PRPH2: variants seen among roughly 807,000 people sequenced by gnomAD.
PRPH2 encodes the protein peripherin 2.
PRPH2 carries 17 observed loss-of-function variants against 31.3 expected under a neutral mutation model. The observed-to-expected ratio is 0.54, with a 90% CI of 0.37 to 0.81. PRPH2 has a LOEUF of 0.81. PRPH2 is among the 40% of genes least tolerant of loss of function. The pLI is 0.00. For synonymous variants in PRPH2, 165 were observed against 184.4 expected, an observed-to-expected ratio of 0.89 and a Z score of 0.85; for missense variants, 430 against 439.7, an observed-to-expected ratio of 0.98 and a Z score of 0.20.
intron 1 of PRPH2, among the ~76,000 whole-genome samples, chr6:42,716,962 C>CTTTTTTTTTTTTTTTTTTTTTTTT (rs1161769235): frequency 4.4e-5 from 2 of 45,188 alleles, no homozygotes; most frequent in Non-Finnish European, 7.5e-5. Context: ...TCTTTCTTTT[C>CTTTTTTTTTTTTTTTTTTTTTTTT]TTTTTTTTTT....
At position 42,722,012 on chromosome 6, in the gene PRPH2, A is replaced by G; in HGVS notation, c.323T>C (p.Phe108Ser). Residue 108 changes from phenylalanine to serine, a missense_variant, in exon 1 of 3, where the codon TTC becomes TCC. Coordinates refer to ENST00000230381, the MANE Select transcript of PRPH2 (RefSeq NM_000322.5). The surrounding 1 kb of genome is among the most constrained non-coding windows in gnomAD (Gnocchi z 4.4). ...LKPYLAICVL[F>S]NIILFLVALC... Reference sequence around the variant, plus strand: ...AGCCACAAGGAAGAGGATGATGTTGAAGAGAACACAGATAGCCAGGTACGG... The same window carrying G: ...AGCCACAAGGAAGAGGATGATGTTGGAGAGAACACAGATAGCCAGGTACGG... 1.9e-6 allele frequency: 3 copies of G among 1,614,076 alleles called. No homozygotes were observed. Among genetic ancestry groups the G allele is most frequent in the Non-Finnish European group, 2.5e-6 (3 of 1,180,000 alleles).
intron 1 of PRPH2, chr6:42,711,853 G>A (rs1019955720): frequency 1.2e-5 from 12 of 985,362 alleles, no homozygotes; most frequent in Non-Finnish European, 1.3e-5. Context: ...GGCCTTCCTG[G>A]CTGGTAGTTC....
intron 1 of PRPH2, among the ~76,000 whole-genome samples, chr6:42,716,038 G>T (rs1395071484): frequency 4.6e-5 from 7 of 152,172 alleles, no homozygotes; most frequent in Non-Finnish European, 8.8e-5. Flanking sequence ...GTTATTCCAG[G>T]AACAGAGCCT....
At chr6:42,712,471 C>T (rs1489195211) in intron 1 of PRPH2, among the ~76,000 whole-genome samples, 1 of 152,106 alleles carries the variant, frequency 6.6e-6, no homozygotes, top group Non-Finnish European at 1.5e-5. Flanking sequence ...AAAGTATTTA[C>T]AGGTAAAAGG....
At chr6:42,704,891 G>A (rs1234143806) in intron 1 of PRPH2, among the ~76,000 whole-genome samples, 1 of 152,216 alleles carries the variant, frequency 6.6e-6, no homozygotes, top group Non-Finnish European at 1.5e-5. Context: ...GCTGCCAGGC[G>A]CTTTCTTGGG....
intron 1 of PRPH2, among the ~76,000 whole-genome samples, chr6:42,705,740 A>G (rs571607587): frequency 6.7e-6 from 1 of 149,258 alleles, no homozygotes; most frequent in South Asian, 2.1e-4. Flanking sequence ...GCAGATCTTC[A>G]TCAAGGTCAA....
chr6:42,714,608 T>C (rs545625128), intron 1 of PRPH2, among the ~76,000 whole-genome samples: 9 of 152,152 alleles, frequency 5.9e-5, no homozygotes, highest in Non-Finnish European at 1.3e-4. Flanking sequence ...CCTCAATTTC[T>C]TGGGCTCAGG....
chr6:42,705,583 AAAAAAAAAAAAAAAAAATATATATAT>A (rs771107170), intron 1 of PRPH2, among the ~76,000 whole-genome samples: 26,096 of 59,060 alleles, frequency 0.44, 3,716 homozygotes, highest in African/African-American at 0.49. Flanking sequence ...CTAAAAAAAA[AAAAAAAAAAAAAAAAAATATATATAT>A]ATATATATAT....
At chr6:42,705,574 TAAA>T (rs1186158334) in intron 1 of PRPH2, among the ~76,000 whole-genome samples, 2 of 22,284 alleles carry the variant, frequency 9.0e-5, no homozygotes, top group Admixed American at 1.0e-3. Flanking sequence ...AGACTTTCTC[TAAA>T]AAAAAAAAAA....
intron 2 of PRPH2, 142 bp from the exon 3 acceptor site, chr6:42,698,649 G>A (rs1799992047): frequency 1.9e-5 from 22 of 1,141,132 alleles, no homozygotes; most frequent in Non-Finnish European, 2.8e-5. Context: ...GTGACAGCCT[G>A]CCCCACGCTG....
chr6:42,705,749 AAG>A (rs1800151926), intron 1 of PRPH2, among the ~76,000 whole-genome samples: 1 of 149,444 alleles, frequency 6.7e-6, no homozygotes. Context: ...CATCAAGGTC[AAG>A]AGATCGAGAC....
At chr6:42,703,405 A>C (rs1800082898) in intron 2 of PRPH2, among the ~76,000 whole-genome samples, 1 of 152,136 alleles carries the variant, frequency 6.6e-6, no homozygotes, top group African/African-American at 2.4e-5. Flanking sequence ...AGAAGCACAA[A>C]TCCAAACAGT....
At chr6:42,704,664 G>T (rs1341513231) in intron 1 of PRPH2, 53 bp from the exon 2 acceptor site, 2 of 1,613,380 alleles carry the variant, frequency 1.2e-6, no homozygotes, top group Non-Finnish European at 1.7e-6. Flanking sequence ...CTCAACAGGG[G>T]CCACTTCCTC....
intron 1 of PRPH2, among the ~76,000 whole-genome samples, chr6:42,710,175 C>T (rs1269924401): frequency 6.6e-6 from 1 of 152,136 alleles, no homozygotes; most frequent in African/African-American, 2.4e-5. Flanking sequence ...CTGGGGCTCC[C>T]TGAAGACGGG....
intron 2 of PRPH2, among the ~76,000 whole-genome samples, chr6:42,702,539 G>A (rs1225422064): frequency 9.7e-6 from 1 of 102,732 alleles, no homozygotes; most frequent in African/African-American, 3.6e-5. Context: ...TTCAACACCT[G>A]AGCTGTGCCT....
chr6:42,699,137 CTA>C (rs1211088930), intron 2 of PRPH2, among the ~76,000 whole-genome samples: 11 of 150,858 alleles, frequency 7.3e-5, no homozygotes, highest in Non-Finnish European at 2.9e-5. Context: ...ACTACAAACT[CTA>C]TCTCCTGTGT....
At chr6:42,698,655 C>T (rs1046477963) in intron 2 of PRPH2, 148 bp from the exon 3 acceptor site, 166 of 1,128,064 alleles carry the variant, frequency 1.5e-4, no homozygotes, top group Non-Finnish European at 1.2e-4. Context: ...GCCTGCCCCA[C>T]GCTGCCCTGT....
chr6:42,712,359 G>T (rs932073802), intron 1 of PRPH2, among the ~76,000 whole-genome samples: 1 of 152,156 alleles, frequency 6.6e-6, no homozygotes, highest in Admixed American at 6.5e-5. Context: ...GATTGATATT[G>T]CCATTAAATC....
intron 1 of PRPH2, among the ~76,000 whole-genome samples, chr6:42,710,837 C>T (rs1281440063): frequency 1.3e-5 from 2 of 152,198 alleles, no homozygotes; most frequent in Admixed American, 6.5e-5. Flanking sequence ...CAGGGGTATA[C>T]CTGACAGTGG....
Sources: allele counts gnomAD v4.1 joint callset (sites outside exome capture counted in the v4.1 genomes callset), GRCh38; gene constraint gnomAD v4.1.1; non-coding constraint Gnocchi (gnomAD v3.1); transcripts MANE v1.5; gene names NCBI Gene and HGNC (gene_info 2026-07-23, HGNC 2026-07-21).